Variants in THBS2 observed in about 807,000 individuals in gnomAD.
The protein encoded by THBS2 is thrombospondin 2, also known as thrombospondin-2.
In THBS2, 47 loss-of-function variants were observed where a neutral mutation model predicts 135.2. The observed-to-expected ratio is 0.35, with a 90% CI of 0.28 to 0.44. The LOEUF (loss-of-function observed/expected upper bound fraction) is 0.44. Among genes scored for constraint, THBS2 ranks in the 20% least tolerant of loss-of-function variants. THBS2 has a pLI of 1.00. For missense variants in THBS2, 1,288 were observed against 1,603.1 expected (o/e 0.80, Z 3.36); for synonymous variants, 639 against 633.8 (o/e 1.01, Z -0.12).
chr6:169,241,400 GGTGTGTGTGT>G lies in THBS2; in HGVS notation c.891+352_891+361del, dbSNP rs372025449. On this transcript the variant is annotated intron_variant, in intron 5 of 21. Transcript: ENST00000617924. The surrounding 1 kb of genome is among the most constrained non-coding windows in gnomAD (Gnocchi z 5.5). ...TGAAATAAAATTATTTTCCTCTGCA[GGTGTGTGTGT>G]GTGTGTATGTGTGTGTATGTGTGTG... Among the ~76,000 whole-genome samples the G allele has an allele frequency of 2.7e-5, 4 of 150,850 alleles. No homozygotes were observed. The highest frequency in any genetic ancestry group is 5.9e-5 in the Non-Finnish European group (4 of 67,770).
intron 9 of THBS2, 86 bp from the exon 10 acceptor site, chr6:169,234,993 G>A (rs1487725841): frequency 3.7e-6 from 5 of 1,365,092 alleles, no homozygotes; most frequent in Admixed American, 4.1e-5. Flanking sequence ...AAGAGCAGGT[G>A]GGACATGGTG....
Position 169,241,577 on chromosome 6 carries a change from C to G in THBS2, c.891+185G>C, listed in dbSNP as rs578181003. Among the ~76,000 whole-genome samples the G allele has an allele frequency of 6.6e-6, 1 of 152,270 alleles. No homozygotes were observed. The highest frequency in any genetic ancestry group is 1.9e-4 in the East Asian group (1 of 5,162). On this transcript the variant is annotated intron_variant, in intron 5 of 21. Transcript: ENST00000617924. The surrounding 1 kb of genome is among the most constrained non-coding windows in gnomAD (Gnocchi z 5.5). ...TTCCCAAGATCTACCCAACTTCCCT[C>G]TAACAATGCTGAATATTGAGCAAGG...
chr6:169,227,420 G>A (rs537680000), intron 15 of THBS2, among the ~76,000 whole-genome samples: 102 of 152,290 alleles, frequency 6.7e-4, no homozygotes, highest in African/African-American at 2.2e-3. Context: ...CAGTGGCAGA[G>A]GTAACCACAA....
At chr6:169,219,838 T>TTTCCTTCC (rs56279312) in intron 21 of THBS2, 358,537 of 534,614 alleles carry the variant, frequency 0.67, 121,679 homozygotes, top group African/African-American at 0.82. Context: ...TCCTTCCTTC[T>TTTCCTTCC]TTCCTTCCTG....
At chr6:169,234,655 C>T in intron 10 of THBS2, 79 bp downstream of exon 10, 1 of 1,337,816 alleles carries the variant, frequency 7.5e-7, no homozygotes, top group Non-Finnish European at 9.9e-7. Flanking sequence ...TGTTTTTCAT[C>T]TAGTTTCCCA....
intron 20 of THBS2, 134 bp from the exon 21 acceptor site, chr6:169,220,471 G>A: frequency 8.8e-7 from 1 of 1,134,752 alleles, no homozygotes; most frequent in Non-Finnish European, 1.2e-6. Flanking sequence ...GCCCCAGGGG[G>A]CATTGCTGGC....
At chr6:169,245,151 G>T (rs1007829230) in intron 4 of THBS2, among the ~76,000 whole-genome samples, 1 of 152,214 alleles carries the variant, frequency 6.6e-6, no homozygotes, top group African/African-American at 2.4e-5. Context: ...CGTGAGCTCC[G>T]CTTTGAGGCT....
In THBS2 at chr6:169,229,632, C is replaced by A. The variant is rs1274266676; in HGVS notation, c.2199G>T (p.Lys733Asn). ...LPNSGQEDFD[K>N]DGIGDACDDD... Reference sequence around the variant, plus strand: ...CATCACAGGCATCGCCAATCCCGTCCTTGTCAAAGTCTTCCTGCCCAGAAT... The same window carrying A: ...CATCACAGGCATCGCCAATCCCGTCATTGTCAAAGTCTTCCTGCCCAGAAT... Residue 733 changes from lysine (K) to asparagine (N), a missense_variant, in exon 14 of 22, where the codon AAG becomes AAT. Coordinates refer to ENST00000617924, the MANE Select transcript of THBS2 (RefSeq NM_003247.5). The A allele has an allele frequency of 1.2e-6, 2 of 1,614,056 alleles. No homozygotes were observed. The highest frequency in any genetic ancestry group is 1.3e-5 in the African/African-American group (1 of 74,936).
At chr6:169,246,335 G>C in intron 3 of THBS2, 54 bp from the exon 4 acceptor site, 1 of 1,373,220 alleles carries the variant, frequency 7.3e-7, no homozygotes, top group South Asian at 1.2e-5. Flanking sequence ...TCCAATGTTT[G>C]ATGCCAAGCT....
intron 8 of THBS2, 63 bp from the exon 9 acceptor site, chr6:169,237,409 G>T: frequency 6.3e-7 from 1 of 1,594,838 alleles, no homozygotes; most frequent in South Asian, 1.1e-5. Context: ...CCTGTAAGCG[G>T]TGTGCCTTAT....
rs763881715 is a variant in THBS2 at position 169,225,151 on chromosome 6, A to G, written c.2767T>C (p.Leu923=). The G allele has an allele frequency of 6.2e-7, 1 of 1,614,158 alleles. No individual in the cohort carries two copies. The highest frequency in any genetic ancestry group is 8.5e-7 in the Non-Finnish European group (1 of 1,180,008). The change falls in exon 17 of 22, where the codon TTG becomes CTG. Residue 923 remains leucine, a synonymous_variant. Coordinates refer to ENST00000617924, the MANE Select transcript of THBS2 (RefSeq NM_003247.5). ...RLVFNPDQED[L]DGDGRGDICK... ...GAGCTGAGAGAGCACCCACCGTCCA[A>G]GTCCTCCTGGTCTGGGTTGAACACA...
intron 3 of THBS2, among the ~76,000 whole-genome samples, chr6:169,247,713 T>C (rs1302356422): frequency 3.3e-5 from 5 of 151,696 alleles, no homozygotes; most frequent in African/African-American, 1.2e-4. Flanking sequence ...TGCTTACATA[T>C]GGTTGTGTGC....
rs769625223 is a variant in THBS2 at position 169,232,188 on chromosome 6, G to C, written c.1943C>G (p.Pro648Arg). The C allele has an allele frequency of 1.9e-6, 3 of 1,613,220 alleles. No individual in the cohort carries two copies. In the African/African-American group the frequency reaches 4.0e-5, roughly 22 times the overall value. The change falls in exon 13 of 22, where the codon CCC becomes CGC. Residue 648 changes from proline to arginine, a missense_variant. Physicochemically the swap from Pro to Arg is moderately radical, Grantham distance 103 (BLOSUM62 -2). This residue lies in a region of THBS2 where 874 missense variants were observed against 1,156.1 expected (regional missense o/e 0.76). Coordinates refer to ENST00000617924, the MANE Select transcript of THBS2 (RefSeq NM_003247.5). ...TGTCTTGTCCTTGCATGGGTTTTCG[G>C]GCTCACACACCTACGGGGAGAAGGG... ...AAKTEKQVCE[P>R]ENPCKDKTHN...
intron 3 of THBS2, 41 bp downstream of exon 3, chr6:169,248,374 GCT>G: frequency 6.4e-7 from 1 of 1,558,202 alleles, no homozygotes; most frequent in Non-Finnish European, 8.7e-7. Flanking sequence ...TCCCAGCTAA[GCT>G]CTTTCCTCCC....
chr6:169,235,222 A>G (rs1046583588), intron 9 of THBS2, among the ~76,000 whole-genome samples: 1 of 151,750 alleles, frequency 6.6e-6, no homozygotes, highest in Non-Finnish European at 1.5e-5. Flanking sequence ...GGGTCTCGCT[A>G]TGTTGCCCAG....
At chr6:169,219,255 T>G in intron 21 of THBS2, among the ~76,000 whole-genome samples, 1 of 79,180 alleles carries the variant, frequency 1.3e-5, no homozygotes, top group East Asian at 4.1e-4. Flanking sequence ...GATGGATAGG[T>G]GGATGGGTGG....
chr6:169,224,580 C>T (rs1182401356), intron 17 of THBS2, among the ~76,000 whole-genome samples: 2 of 152,218 alleles, frequency 1.3e-5, no homozygotes, highest in Non-Finnish European at 2.9e-5. Context: ...TCACAGCCTC[C>T]CCGGAAGCCC....
chr6:169,253,170 CAG>C (rs768158197), intron 1 of THBS2, among the ~76,000 whole-genome samples: 3 of 152,060 alleles, frequency 2.0e-5, no homozygotes, highest in Non-Finnish European at 2.9e-5. Flanking sequence ...TGTTAACAAT[CAG>C]AGTCTCTCTT....
chr6:169,247,749 CATGT>C (rs1431109789), intron 3 of THBS2, among the ~76,000 whole-genome samples: 8 of 151,394 alleles, frequency 5.3e-5, no homozygotes, highest in African/African-American at 1.5e-4. Context: ...AGTGTGTTCA[CATGT>C]ATGTGTGTGG....
Sources: gnomAD v4.1 joint callset for allele counts (sites outside exome capture counted in the v4.1 genomes callset) on GRCh38, gnomAD v4.1.1 for gene constraint, gnomAD v4.1.1 regional missense constraint, Gnocchi (gnomAD v3.1) non-coding constraint, MANE v1.5 for transcripts, NCBI Gene and HGNC (gene_info 2026-07-23, HGNC 2026-07-21) for gene names.